Variants in NUP107 observed in about 807,000 individuals in gnomAD.
NUP107 encodes the protein nuclear pore complex protein Nup107.
A neutral mutation model predicts 141.0 loss-of-function variants in NUP107; 101 were observed. The observed-to-expected ratio is 0.72, with a 90% CI of 0.61 to 0.84. NUP107 has a LOEUF of 0.84. NUP107 is among the 40% of genes least tolerant of loss of function. The pLI, the probability that NUP107 is intolerant of heterozygous loss-of-function variation, is 0.00. For missense variants in NUP107, 941 were observed against 1,102.7 expected (o/e 0.85, Z 2.08); for synonymous variants, 319 against 363.9 (o/e 0.88, Z 1.41).
At chr12:68,705,580 C>A in intron 8 of NUP107, 1 of 342,068 alleles carries the variant, frequency 2.9e-6, no homozygotes, top group South Asian at 2.9e-5. Flanking sequence ...CTTCTCTGTT[C>A]CTTCTCGAAT....
intron 26 of NUP107, among the ~76,000 whole-genome samples, chr12:68,741,424 G>A (rs962928550): frequency 6.6e-6 from 1 of 152,030 alleles, no homozygotes; most frequent in Non-Finnish European, 1.5e-5. Flanking sequence ...TCCCCACATC[G>A]TCTTTTTCCC....
intron 8 of NUP107, chr12:68,707,018 G>A (rs1876615670): frequency 3.3e-6 from 2 of 610,302 alleles, no homozygotes; most frequent in Middle Eastern, 4.4e-4. Context: ...TGTGAAGATC[G>A]AGACCCACGA....
Position 68,726,574 on chromosome 12 carries a change from C to T in NUP107, c.1652C>T (p.Thr551Ile). The part of the protein sequence containing the change: ...NLPGHLLRFM[T>I]HLILFFRTLG... Reference sequence around the variant, plus strand: ...CCTGGACACCTGCTTCGCTTTATGACTCACCTTATTTTGTTTTTCCGTACT... The same window carrying T: ...CCTGGACACCTGCTTCGCTTTATGATTCACCTTATTTTGTTTTTCCGTACT... The change falls in exon 19 of 28, where the codon ACT becomes ATT. Residue 551 changes from threonine (T) to isoleucine (I), a missense_variant. Physicochemically the swap from Thr to Ile is moderately conservative, Grantham distance 89. Transcript: ENST00000229179. The T allele has an allele frequency of 6.2e-7, 1 of 1,613,874 alleles. No individual in the cohort carries two copies. The highest frequency in any genetic ancestry group is 8.5e-7 in the Non-Finnish European group (1 of 1,179,880).
At chr12:68,733,094 CTT>C (rs1877909995) in intron 23 of NUP107, among the ~76,000 whole-genome samples, 1 of 151,680 alleles carries the variant, frequency 6.6e-6, no homozygotes. Context: ...ACCAGCCACT[CTT>C]TATCTATCAA....
chr12:68,701,062 T>C (rs946111819), intron 7 of NUP107, among the ~76,000 whole-genome samples: 4 of 152,204 alleles, frequency 2.6e-5, no homozygotes, highest in Non-Finnish European at 5.9e-5. Flanking sequence ...AAATTGGATG[T>C]GTGTAAAGAC....
chr12:68,693,042 G>A (rs1199293625), intron 5 of NUP107, among the ~76,000 whole-genome samples: 5 of 150,992 alleles, frequency 3.3e-5, no homozygotes, highest in South Asian at 2.1e-4. Flanking sequence ...GAGCCACTGC[G>A]CCTGGCCGCC....
At chr12:68,736,095 A>C (rs1181930430) in intron 26 of NUP107, among the ~76,000 whole-genome samples, 1 of 152,234 alleles carries the variant, frequency 6.6e-6, no homozygotes, top group Non-Finnish European at 1.5e-5. Flanking sequence ...GGTGCATGAC[A>C]GAAACAGTGA....
intron 20 of NUP107, among the ~76,000 whole-genome samples, chr12:68,729,617 A>G (rs2136042135): frequency 6.6e-6 from 1 of 151,622 alleles, no homozygotes; most frequent in East Asian, 2.0e-4. Context: ...CTAATTTTGT[A>G]TTTTTAGTAG....
At chr12:68,701,187 C>T (rs1014519257) in intron 7 of NUP107, among the ~76,000 whole-genome samples, 2 of 151,970 alleles carry the variant, frequency 1.3e-5, no homozygotes, top group Admixed American at 6.6e-5. Context: ...TTCCAGAAGG[C>T]GAAGATTATA....
intron 20 of NUP107, among the ~76,000 whole-genome samples, chr12:68,730,214 CTT>C (rs756700880): frequency 3.0e-4 from 26 of 85,372 alleles, no homozygotes; most frequent in Non-Finnish European, 5.3e-4. Flanking sequence ...GTGATACTAC[CTT>C]TTTTTTTTTT....
chr12:68,700,237 A>G (rs930422010), intron 6 of NUP107, among the ~76,000 whole-genome samples: 1 of 152,132 alleles, frequency 6.6e-6, no homozygotes, highest in Non-Finnish European at 1.5e-5. Flanking sequence ...TTTTGGAATG[A>G]GGAAGGACTT....
chr12:68,690,410 A>C, intron 3 of NUP107: 1 of 582,228 alleles, frequency 1.7e-6, no homozygotes, highest in South Asian at 2.1e-5. Flanking sequence ...TAATTGCAGT[A>C]AAATGTTTCC....
chr12:68,730,014 T>A (rs1247603242), intron 20 of NUP107, among the ~76,000 whole-genome samples: 3 of 151,612 alleles, frequency 2.0e-5, no homozygotes, highest in Non-Finnish European at 2.9e-5. Context: ...CAGGCTAGAG[T>A]TCACTGGCTA....
At chr12:68,689,076 C>T (rs2135994410) in intron 2 of NUP107, 23 bp downstream of exon 2, 3 of 1,562,768 alleles carry the variant, frequency 1.9e-6, no homozygotes, top group Non-Finnish European at 2.6e-6. Flanking sequence ...ATTTAAGCAT[C>T]ATTATAAAAA....
chr12:68,728,574 C>T (rs1013939865), intron 20 of NUP107, among the ~76,000 whole-genome samples: 16 of 151,516 alleles, frequency 1.1e-4, no homozygotes, highest in Non-Finnish European at 1.9e-4. Context: ...AAGGTGCTGG[C>T]TAATTGTCTG....
intron 5 of NUP107, among the ~76,000 whole-genome samples, chr12:68,694,386 C>A (rs2136000279): frequency 6.6e-6 from 1 of 152,192 alleles, no homozygotes; most frequent in African/African-American, 2.4e-5. Flanking sequence ...TCTTAAAAGA[C>A]CTTTAGGTAT....
intron 8 of NUP107, chr12:68,706,419 A>C: frequency 1.1e-6 from 1 of 886,770 alleles, no homozygotes; most frequent in South Asian, 1.4e-5. Flanking sequence ...ATCATCGCTG[A>C]GGTCAAGGCA....
chr12:68,700,467 C>T (rs987434933), intron 6 of NUP107, among the ~76,000 whole-genome samples: 2 of 152,132 alleles, frequency 1.3e-5, no homozygotes, highest in African/African-American at 4.8e-5. Context: ...ATATATCCAT[C>T]ACTGCCACTG....
At position 68,733,631 on chromosome 12, in the gene NUP107, C is replaced by T. The variant is rs1306565790; in HGVS notation, c.2262+19C>T. 3 of 1,590,518 alleles carry T rather than the reference C, an allele frequency of 1.9e-6. No individual in the cohort carries two copies. Among genetic ancestry groups the T allele is most frequent in the East Asian group, 2.2e-5 (1 of 44,468 alleles). On this transcript the variant is annotated intron_variant, in intron 24 of 27. Transcript: ENST00000229179. ...TTATTTGGTGAGACTGTAAAGAAAG[C>T]CACAGATGTGCCTACTTCATGATGA...
Sources: gnomAD v4.1 joint callset for allele counts (sites outside exome capture counted in the v4.1 genomes callset) on GRCh38, gnomAD v4.1.1 for gene constraint, MANE v1.5 for transcripts, NCBI Gene and HGNC (gene_info 2026-07-23, HGNC 2026-07-21) for gene names.